The following PTPRN2 variants were observed in gnomAD, a reference collection of about 807,000 sequenced individuals.
The protein encoded by PTPRN2 is protein tyrosine phosphatase receptor type N2.
PTPRN2 carries 74 observed loss-of-function variants against 118.8 expected under a neutral mutation model. That is an observed-to-expected ratio of 0.62 (90% CI 0.52 to 0.76). The LOEUF is 0.76. PTPRN2 is among the 30% of genes least tolerant of loss of function. PTPRN2 has a pLI of 0.00. For synonymous variants in PTPRN2, 641 were observed against 608.0 expected, an observed-to-expected ratio of 1.05 and a Z score of -0.80; for missense variants, 1,481 against 1,394.4, an observed-to-expected ratio of 1.06 and a Z score of -0.99.
chr7:157,675,948 G>A (rs1796646039), intron 13 of PTPRN2, among the ~76,000 whole-genome samples: 1 of 152,166 alleles, frequency 6.6e-6, no homozygotes. Context: ...GTGGCAAGAG[G>A]GGAATAAGAT....
intron 2 of PTPRN2, among the ~76,000 whole-genome samples, chr7:158,442,347 T>C (rs985346249): frequency 5.3e-5 from 8 of 152,142 alleles, no homozygotes; most frequent in African/African-American, 1.9e-4. Flanking sequence ...GTATTCTCTA[T>C]GTGCAAACGT....
At chr7:158,391,024 C>G (rs1300796487) in intron 2 of PTPRN2, among the ~76,000 whole-genome samples, 1 of 152,172 alleles carries the variant, frequency 6.6e-6, no homozygotes, top group Non-Finnish European at 1.5e-5. Context: ...TTCACCACTT[C>G]CAAATTCGAG....
chr7:157,720,250 A>G (rs1331213520), intron 12 of PTPRN2, among the ~76,000 whole-genome samples: 1 of 152,044 alleles, frequency 6.6e-6, no homozygotes, highest in Non-Finnish European at 1.5e-5. Flanking sequence ...GAATTTCCTT[A>G]GGTTCAGTTG....
At chr7:157,786,342 A>G (rs1048062098) in intron 12 of PTPRN2, among the ~76,000 whole-genome samples, 1 of 152,254 alleles carries the variant, frequency 6.6e-6, no homozygotes, top group Non-Finnish European at 1.5e-5. Flanking sequence ...CTGCCTAAGT[A>G]TCTGAATTGT....
chr7:158,267,955 T>C (rs1421724655), intron 3 of PTPRN2, among the ~76,000 whole-genome samples: 1 of 152,202 alleles, frequency 6.6e-6, no homozygotes, highest in African/African-American at 2.4e-5. Flanking sequence ...CAGTTGACTC[T>C]TCCCAGCTTG....
At chr7:158,174,568 T>C (rs184171638) in intron 5 of PTPRN2, among the ~76,000 whole-genome samples, 70 of 152,266 alleles carry the variant, frequency 4.6e-4, no homozygotes, top group African/African-American at 1.6e-3. Context: ...GCCATCAGCA[T>C]CATCAAACCC....
chr7:157,778,341 T>TGTCCAC (rs1365356364), intron 12 of PTPRN2, among the ~76,000 whole-genome samples: 3 of 151,836 alleles, frequency 2.0e-5, no homozygotes, highest in African/African-American at 7.2e-5. Context: ...CCCACGTACA[T>TGTCCAC]GTGATTACAG....
intron 2 of PTPRN2, among the ~76,000 whole-genome samples, chr7:158,450,717 A>G (rs1025489777): frequency 6.6e-6 from 1 of 152,200 alleles, no homozygotes; most frequent in African/African-American, 2.4e-5. Flanking sequence ...GTTCCATTGT[A>G]TGAAAATAAA....
intron 12 of PTPRN2, among the ~76,000 whole-genome samples, chr7:157,855,366 A>G (rs987357871): frequency 2.0e-5 from 3 of 152,170 alleles, no homozygotes; most frequent in African/African-American, 7.2e-5. Context: ...TCCTGGGGTC[A>G]CCTAATAACG....
chr7:157,989,696 C>T (rs371185405), intron 11 of PTPRN2, among the ~76,000 whole-genome samples: 17 of 152,088 alleles, frequency 1.1e-4, no homozygotes, highest in African/African-American at 3.9e-4. Context: ...GGGCGGGTGC[C>T]ACCTCACCTT....
chr7:158,541,472 C>T (rs1259052095), intron 1 of PTPRN2: 8 of 1,352,114 alleles, frequency 5.9e-6, no homozygotes, highest in Non-Finnish European at 7.8e-6. Context: ...CCACTGGCTC[C>T]GTCCTCTCCC....
At chr7:158,405,882 C>T (rs897046219) in intron 2 of PTPRN2, among the ~76,000 whole-genome samples, 1 of 144,362 alleles carries the variant, frequency 6.9e-6, no homozygotes, top group Non-Finnish European at 1.5e-5. Context: ...AGACACGTGT[C>T]CGCACACTGA....
chr7:157,704,995 T>C (rs1207685407), intron 12 of PTPRN2, among the ~76,000 whole-genome samples: 1 of 152,186 alleles, frequency 6.6e-6, no homozygotes, highest in African/African-American at 2.4e-5. Context: ...ACAATAATCC[T>C]GTGAGGTGAG....
At position 157,741,969 on chromosome 7, in the gene PTPRN2, T is replaced by C. The variant is rs78807151; in HGVS notation, c.1789-59032A>G. Among the ~76,000 whole-genome samples the C allele has an allele frequency of 3.7e-3, 567 of 152,338 alleles. 2 individuals carry two copies. The highest frequency in any genetic ancestry group is 0.013 in the African/African-American group (530 of 41,576). Reference sequence around the variant, plus strand: ...TCAACGACGAACCAATAAATGAATGTGTGCAGTCGGGTGTGGCAGGGACCA... The same window carrying C: ...TCAACGACGAACCAATAAATGAATGCGTGCAGTCGGGTGTGGCAGGGACCA... On this transcript the variant is annotated intron_variant, in intron 12 of 22. Coordinates refer to ENST00000389418, the MANE Select transcript of PTPRN2 (RefSeq NM_002847.5).
rs112658237 is a variant in PTPRN2 at position 157,759,179 on chromosome 7, G to A, written c.1789-76242C>T. 6.2e-3 allele frequency among the ~76,000 whole-genome samples: 945 copies of A among 152,338 alleles called. 5 individuals are homozygous for A. The highest frequency in any genetic ancestry group is 0.01 in the Admixed American group (156 of 15,308). ...CCCCCTTCCCTCTCCTGGGAGCATC[G>A]GTGCCTGGGCGCCGTGGGCGCAGGC... On this transcript the variant is annotated intron_variant, in intron 12 of 22. Coordinates refer to ENST00000389418, the MANE Select transcript of PTPRN2 (RefSeq NM_002847.5).
In PTPRN2 at chr7:157,674,748, G is replaced by A. The variant is rs929058997; in HGVS notation, c.2001+7977C>T. 3.3e-5 allele frequency among the ~76,000 whole-genome samples: 5 copies of A among 152,240 alleles called. No homozygotes were observed. Among genetic ancestry groups the A allele is most frequent in the South Asian group, 2.1e-4 (1 of 4,834 alleles). On this transcript the variant is annotated intron_variant, in intron 13 of 22. Transcript: ENST00000389418. This position sits in a 1 kb window ranked among gnomAD's most constrained non-coding sequence, Gnocchi z 4.5. Reference sequence around the variant, plus strand: ...GCCCCGCGCAGGTACCTCTGTACACGCCTGTGGAGTCCCACCCTGTCGTGT... The same window carrying A: ...GCCCCGCGCAGGTACCTCTGTACACACCTGTGGAGTCCCACCCTGTCGTGT...
intron 1 of PTPRN2, among the ~76,000 whole-genome samples, chr7:158,552,550 A>G (rs1826732898): frequency 6.6e-6 from 1 of 152,180 alleles, no homozygotes; most frequent in South Asian, 2.1e-4. Context: ...CTCTGGTTCA[A>G]GCGATTTTTC....
chr7:158,535,504 T>C (rs1486503930), intron 1 of PTPRN2, among the ~76,000 whole-genome samples: 2 of 152,122 alleles, frequency 1.3e-5, no homozygotes, highest in African/African-American at 4.8e-5. Flanking sequence ...GAATCCTGCT[T>C]TCTGCGGCTG....
intron 11 of PTPRN2, chr7:158,028,796 C>T (rs903689149): frequency 5.9e-5 from 9 of 152,376 alleles, no homozygotes; most frequent in South Asian, 2.1e-4. Context: ...CCCAGGAGGG[C>T]GGGGCAGCTG....
Sources: allele counts gnomAD v4.1 joint callset (sites outside exome capture counted in the v4.1 genomes callset), GRCh38; gene constraint gnomAD v4.1.1; non-coding constraint Gnocchi (gnomAD v3.1); transcripts MANE v1.5; gene names NCBI Gene and HGNC (gene_info 2026-07-23, HGNC 2026-07-21).